CATSPER3: variants seen among roughly 807,000 people sequenced by gnomAD.
The protein encoded by CATSPER3 is cation channel sperm-associated protein 3.
CATSPER3 carries 23 observed loss-of-function variants against 36.6 expected under a neutral mutation model. That is an observed-to-expected ratio of 0.63 (90% CI 0.45 to 0.89). The LOEUF (loss-of-function observed/expected upper bound fraction) is 0.89. CATSPER3 is among the 40% of genes least tolerant of loss of function. The probability of loss-of-function intolerance (pLI) is 0.00; values close to 1 mark genes in which losing one functional copy is unlikely to be tolerated. For missense variants in CATSPER3, 474 were observed against 503.9 expected, an observed-to-expected ratio of 0.94 and a Z score of 0.57; for synonymous variants, 172 against 184.1, an observed-to-expected ratio of 0.93 and a Z score of 0.53.
chr5:134,992,433 C>A (rs1751889651), intron 2 of CATSPER3, among the ~76,000 whole-genome samples: 1 of 151,794 alleles, frequency 6.6e-6, no homozygotes, highest in African/African-American at 2.4e-5. Flanking sequence ...TTAAAAAAAA[C>A]AAAAAATGGG....
chr5:135,003,844 C>T (rs1034110193), intron 3 of CATSPER3, among the ~76,000 whole-genome samples: 3 of 152,200 alleles, frequency 2.0e-5, no homozygotes, highest in East Asian at 1.9e-4. Flanking sequence ...TTCCAGGCGC[C>T]GTCTGTCACA....
chr5:135,001,372 A>G (rs1752018282), intron 3 of CATSPER3, among the ~76,000 whole-genome samples: 2 of 152,194 alleles, frequency 1.3e-5, no homozygotes, highest in Non-Finnish European at 1.5e-5. Context: ...TGTGTGGTCA[A>G]TTTTGGAATA....
Position 134,976,473 on chromosome 5 carries a change from G to A in CATSPER3, c.252+6381G>A, listed in dbSNP as rs565656920. Among the ~76,000 whole-genome samples, 9 of 152,270 alleles carry A rather than the reference G, an allele frequency of 5.9e-5. No individual in the cohort carries two copies. In the South Asian group the frequency reaches 1.7e-3, roughly 28 times the overall value. ...CGGGGCCTTGGGAAGCTCCACCCCA[G>A]TGGCTTTGCACAGTGCACTCCCTGT... is the stretch of plus-strand genomic sequence containing the variant. On this transcript the variant is annotated intron_variant, in intron 2 of 7. Coordinates refer to ENST00000282611, the MANE Select transcript of CATSPER3 (RefSeq NM_178019.3).
At chr5:134,999,919 G>T (rs1299201729) in intron 3 of CATSPER3, among the ~76,000 whole-genome samples, 1 of 152,086 alleles carries the variant, frequency 6.6e-6, no homozygotes, top group Non-Finnish European at 1.5e-5. Context: ...CTGCCTGATT[G>T]CCCTGGCCAG....
intron 4 of CATSPER3, 124 bp downstream of exon 4, chr5:135,008,263 C>T: frequency 2.5e-6 from 2 of 787,744 alleles, no homozygotes; most frequent in East Asian, 5.1e-5. Context: ...CTCATCTGGG[C>T]CTAGGGAAGC....
intron 3 of CATSPER3, among the ~76,000 whole-genome samples, chr5:135,000,726 A>C (rs956334948): frequency 2.0e-5 from 3 of 152,120 alleles, no homozygotes; most frequent in African/African-American, 4.8e-5. Flanking sequence ...TCATAGTATT[A>C]TCGGATGGTA....
At chr5:134,973,142 G>A (rs1008998983) in intron 2 of CATSPER3, among the ~76,000 whole-genome samples, 1 of 152,116 alleles carries the variant, frequency 6.6e-6, no homozygotes, top group African/African-American at 2.4e-5. Flanking sequence ...TAAAGAATAG[G>A]TTTCAGCCAA....
chr5:135,009,367 C>G lies in CATSPER3; in HGVS notation c.817-4C>G, dbSNP rs778760254. The G allele has an allele frequency of 4.3e-6, 7 of 1,613,284 alleles. No homozygotes were observed. The highest frequency in any genetic ancestry group is 2.2e-5 in the East Asian group (1 of 44,872). On this transcript the variant is annotated splice_polypyrimidine_tract_variant and splice_region_variant and intron_variant, in intron 5 of 7. Transcript: ENST00000282611. ...TAGTTGACCTCCATCGTCTGACTCT[C>G]TAGGACTCCATCAGAAAGTTTGAGC...
chr5:134,991,504 T>C (rs1751878835), intron 2 of CATSPER3, among the ~76,000 whole-genome samples: 1 of 152,206 alleles, frequency 6.6e-6, no homozygotes, highest in African/African-American at 2.4e-5. Flanking sequence ...CTATGGTCAA[T>C]TGATTTTTTG....
chr5:134,977,727 G>T (rs1751690795), intron 2 of CATSPER3, among the ~76,000 whole-genome samples: 1 of 152,056 alleles, frequency 6.6e-6, no homozygotes, highest in African/African-American at 2.4e-5. Context: ...TAGTTTTTGT[G>T]TTGCTGTAAA....
chr5:134,993,521 A>G (rs1751907716), intron 2 of CATSPER3, among the ~76,000 whole-genome samples: 3 of 152,242 alleles, frequency 2.0e-5, no homozygotes, highest in African/African-American at 7.2e-5. Flanking sequence ...AAATAATTAT[A>G]AAATAAAGAA....
intron 3 of CATSPER3, among the ~76,000 whole-genome samples, chr5:135,007,637 C>T (rs1752106089): frequency 6.6e-6 from 1 of 152,242 alleles, no homozygotes; most frequent in African/African-American, 2.4e-5. Flanking sequence ...GAGATGACCA[C>T]ACAGCCAGGT....
chr5:135,004,278 G>A (rs180714560), intron 3 of CATSPER3, among the ~76,000 whole-genome samples: 18 of 152,256 alleles, frequency 1.2e-4, no homozygotes, highest in Admixed American at 2.0e-4. Context: ...CTGCATTGGC[G>A]TCCCACACTA....
chr5:134,974,834 G>T (rs1038826026), intron 2 of CATSPER3, among the ~76,000 whole-genome samples: 1 of 152,184 alleles, frequency 6.6e-6, no homozygotes, highest in Non-Finnish European at 1.5e-5. Flanking sequence ...GTTATGGACT[G>T]TGGAACATCA....
intron 2 of CATSPER3, among the ~76,000 whole-genome samples, chr5:134,989,299 T>C (rs1751851555): frequency 6.6e-6 from 1 of 152,152 alleles, no homozygotes; most frequent in Non-Finnish European, 1.5e-5. Context: ...CATTACCCCC[T>C]AACAAGAGAG....
chr5:134,980,289 T>C (rs986303362), intron 2 of CATSPER3, among the ~76,000 whole-genome samples: 6 of 149,374 alleles, frequency 4.0e-5, no homozygotes, highest in Non-Finnish European at 5.9e-5. Flanking sequence ...GCCTATCTTC[T>C]TCCTTTCCTT....
At chr5:134,978,620 A>C (rs1751710335) in intron 2 of CATSPER3, among the ~76,000 whole-genome samples, 1 of 152,228 alleles carries the variant, frequency 6.6e-6, no homozygotes, top group Non-Finnish European at 1.5e-5. Flanking sequence ...TAATGCAATA[A>C]AACAAGAAAA....
At chr5:134,998,066 T>C (rs925415236) in intron 3 of CATSPER3, among the ~76,000 whole-genome samples, 2 of 152,074 alleles carry the variant, frequency 1.3e-5, no homozygotes, top group Admixed American at 1.3e-4. Flanking sequence ...ATACTATCCC[T>C]CCCCGCCACC....
At chr5:134,988,389 A>G (rs951885205) in intron 2 of CATSPER3, among the ~76,000 whole-genome samples, 11 of 152,230 alleles carry the variant, frequency 7.2e-5, no homozygotes, top group African/African-American at 2.7e-4. Flanking sequence ...AGATTTTTCT[A>G]TAGCAAGTAA....
Sources: gnomAD v4.1 joint callset for allele counts (sites outside exome capture counted in the v4.1 genomes callset) on GRCh38, gnomAD v4.1.1 for gene constraint, MANE v1.5 for transcripts, NCBI Gene and HGNC (gene_info 2026-07-23, HGNC 2026-07-21) for gene names.